The following INSR variants were observed in gnomAD, a reference collection of about 807,000 sequenced individuals.
INSR encodes the protein insulin receptor.
Under a neutral mutation model 142.6 loss-of-function variants are expected in INSR, and 67 were observed. That is an observed-to-expected ratio of 0.47 (90% CI 0.39 to 0.58). INSR has a LOEUF of 0.58. INSR is among the 20% of genes least tolerant of loss of function. INSR has a pLI of 0.00. For synonymous variants in INSR, 756 were observed against 743.1 expected, an observed-to-expected ratio of 1.02 and a Z score of -0.28; for missense variants, 1,248 against 1,833.2, an observed-to-expected ratio of 0.68 and a Z score of 5.83.
intron 9 of INSR, among the ~76,000 whole-genome samples, chr19:7,161,586 G>A (rs1045998668): frequency 6.6e-6 from 1 of 152,094 alleles, no homozygotes; most frequent in Non-Finnish European, 1.5e-5. Context: ...GGGGATATGA[G>A]ATAACCAATT....
chr19:7,144,912 C>T (rs930884356), intron 11 of INSR, among the ~76,000 whole-genome samples: 2 of 151,988 alleles, frequency 1.3e-5, no homozygotes, highest in Non-Finnish European at 2.9e-5. Flanking sequence ...GACTGCATTC[C>T]AGGACAATCT....
In INSR at chr19:7,150,711, G is replaced by C. The variant is rs1483384319; in HGVS notation, c.2232-179C>G. ...CTACATCTTCCCCAGCAGGTGCAGG[G>C]GTCCAGCAAGGGAAGGGGAAGAAAT... On this transcript the variant is annotated intron_variant, in intron 10 of 21. Transcript: ENST00000302850. The surrounding 1 kb of genome is among the most constrained non-coding windows in gnomAD (Gnocchi z 4.2). 6.6e-6 allele frequency among the ~76,000 whole-genome samples: 1 copy of C among 152,150 alleles called. No individual in the cohort carries two copies. The highest frequency in any genetic ancestry group is 6.6e-5 in the Admixed American group (1 of 15,260).
At chr19:7,289,872 G>A (rs1244072130) in intron 1 of INSR, among the ~76,000 whole-genome samples, 1 of 152,174 alleles carries the variant, frequency 6.6e-6, no homozygotes, top group Non-Finnish European at 1.5e-5. Flanking sequence ...CATGGGTGGA[G>A]ACCATGGTTC....
intron 2 of INSR, among the ~76,000 whole-genome samples, chr19:7,251,711 C>G (rs1479266885): frequency 3.3e-5 from 5 of 151,898 alleles, no homozygotes; most frequent in Non-Finnish European, 5.9e-5. Context: ...GGATGTGGTC[C>G]GTGGCATGGC....
Position 7,143,033 on chromosome 19 carries a change from G to A in INSR, c.2325C>T (p.Pro775=), listed in dbSNP as rs746508034. 1.9e-5 allele frequency: 31 copies of A among 1,614,086 alleles called. No homozygotes were observed. Among genetic ancestry groups the A allele is most frequent in the Non-Finnish European group, 2.5e-5 (30 of 1,180,044 alleles). ...GDVGNVTVAV[P]TVAAFPNTSS... ...AAGTGTTGGGGAAAGCTGCCACCGT[G>A]GGCACGGCCACCGTCACATTCCCAA... Residue 775 remains proline, a synonymous_variant, in exon 12 of 22, where the codon CCC becomes CCT. Transcript: ENST00000302850.
intron 13 of INSR, among the ~76,000 whole-genome samples, chr19:7,133,421 ATTC>A (rs1972833348): frequency 6.6e-6 from 1 of 152,184 alleles, no homozygotes; most frequent in African/African-American, 2.4e-5. Flanking sequence ...TTTAAAATCT[ATTC>A]TTCTAGCCAT....
In INSR at chr19:7,267,325, AC is replaced by A; in HGVS notation, c.652+19del. ...AACAAGGCACGAGACACTGCTTAGA[AC>A]CCTGTATCCCCGGCGTACCTTTCTG... On this transcript the variant is annotated intron_variant, in intron 2 of 21. Transcript: ENST00000302850. The surrounding 1 kb of genome is among the most constrained non-coding windows in gnomAD (Gnocchi z 6.3). 1 of 1,612,956 alleles carries A rather than the reference AC, an allele frequency of 6.2e-7. No individual in the cohort carries two copies. Among genetic ancestry groups the A allele is most frequent in the Non-Finnish European group, 8.5e-7 (1 of 1,179,298 alleles).
chr19:7,236,037 G>A (rs1406278331), intron 2 of INSR, among the ~76,000 whole-genome samples: 2 of 147,032 alleles, frequency 1.4e-5, no homozygotes, highest in Admixed American at 6.9e-5. Context: ...GCAGTGGTGC[G>A]ATCTCAGCTC....
chr19:7,268,444 G>A, intron 1 of INSR: 1 of 985,236 alleles, frequency 1.0e-6, no homozygotes, highest in Non-Finnish European at 1.2e-6. Flanking sequence ...CAGGGAGCCC[G>A]ATCTCCATTG....
chr19:7,131,601 C>T (rs1184474633), intron 14 of INSR, among the ~76,000 whole-genome samples: 3 of 150,716 alleles, frequency 2.0e-5, no homozygotes, highest in Non-Finnish European at 4.4e-5. Flanking sequence ...CCGCCTCGGC[C>T]TCCCAAAGTG....
intron 2 of INSR, among the ~76,000 whole-genome samples, chr19:7,185,990 T>C (rs1356695421): frequency 6.8e-6 from 1 of 146,368 alleles, no homozygotes. Context: ...AGGTCAGGAG[T>C]TTCAGACCAG....
Position 7,152,751 on chromosome 19 carries a change from G to C in INSR, c.2206C>G (p.Leu736Val). 1 of 1,612,906 alleles carries C rather than the reference G, an allele frequency of 6.2e-7. No homozygotes were observed. The highest frequency in any genetic ancestry group is 1.3e-5 in the African/African-American group (1 of 74,898). ...CTGGGGACGAAAACCACGTTGTGCA[G>C]GTAATCCTCAAACGTCTTCCTAAAC... ...SSFRKTFEDY[L>V]HNVVFVPRKT... The change falls in exon 10 of 22, where the codon CTG (leucine) becomes GTG (valine). Residue 736 changes from leucine (L) to valine (V), a missense_variant. Physicochemically the swap from Leu to Val is conservative, Grantham distance 32. Transcript: ENST00000302850.
Position 7,117,078 on chromosome 19 carries a change from A to G in INSR, c.4127T>C (p.Leu1376Ser). 6.2e-7 allele frequency: 1 copy of G among 1,614,040 alleles called. No homozygotes were observed. The highest frequency in any genetic ancestry group is 8.5e-7 in the Non-Finnish European group (1 of 1,179,954). The change falls in exon 22 of 22, where the codon TTG (leucine) becomes TCG (serine). Residue 1376 changes from leucine (L) to serine (S), a missense_variant. Around this residue, in one of 3 missense-constraint regions of INSR, gnomAD observed 122 missense variants for 129.8 expected, o/e 0.94. Transcript: ENST00000302850. The stretch of plus-strand genomic sequence containing the variant: ...CTGTTAGGAAGGATTGGACCGAGGC[A>G]AGGTCAGAATCCGCCCGTTTTTCTT... ...GGKKNGRILT[L>S]PRSNPS
intron 13 of INSR, among the ~76,000 whole-genome samples, chr19:7,133,443 A>C (rs1333705549): frequency 1.3e-5 from 2 of 152,194 alleles, no homozygotes; most frequent in African/African-American, 4.8e-5. Context: ...ATTTTGCAAT[A>C]TGTGTTATTA....
chr19:7,218,461 G>A (rs973181057), intron 2 of INSR, among the ~76,000 whole-genome samples: 3 of 152,106 alleles, frequency 2.0e-5, no homozygotes, highest in African/African-American at 7.2e-5. Context: ...CAGAGATTCT[G>A]CACACTGAAC....
intron 15 of INSR, among the ~76,000 whole-genome samples, chr19:7,127,535 C>T (rs1044801100): frequency 1.6e-4 from 24 of 152,122 alleles, no homozygotes; most frequent in African/African-American, 5.8e-4. Flanking sequence ...ATCATTTATA[C>T]ACCATATTGT....
intron 2 of INSR, among the ~76,000 whole-genome samples, chr19:7,196,500 T>C (rs1974751018): frequency 6.6e-6 from 1 of 152,030 alleles, no homozygotes; most frequent in African/African-American, 2.4e-5. Context: ...GCCAGAGAAA[T>C]AGGAGACGCA....
chr19:7,207,121 G>A (rs1975125136), intron 2 of INSR, among the ~76,000 whole-genome samples: 1 of 152,060 alleles, frequency 6.6e-6, no homozygotes, highest in South Asian at 2.1e-4. Flanking sequence ...CAACTAAAAT[G>A]AATGAGACCC....
At chr19:7,278,145 G>C (rs189045355) in intron 1 of INSR, among the ~76,000 whole-genome samples, 1 of 151,992 alleles carries the variant, frequency 6.6e-6, no homozygotes, top group African/African-American at 2.4e-5. Context: ...ACAACAAAAA[G>C]AAATGAGAAC....
Sources: allele counts gnomAD v4.1 joint callset (sites outside exome capture counted in the v4.1 genomes callset), GRCh38; gene constraint gnomAD v4.1.1; regional missense constraint gnomAD v4.1.1; non-coding constraint Gnocchi (gnomAD v3.1); transcripts MANE v1.5; gene names NCBI Gene and HGNC (gene_info 2026-07-23, HGNC 2026-07-21).